The following ATE1 variants were observed in gnomAD, a reference collection of about 807,000 sequenced individuals.
ATE1 encodes the protein arginyltransferase 1.
ATE1 carries 36 observed loss-of-function variants against 70.5 expected under a neutral mutation model. The observed-to-expected ratio is 0.51, with a 90% confidence interval of 0.39 to 0.67. The LOEUF is 0.67. ATE1 is among the 30% of genes least tolerant of loss of function. The pLI is 0.00. For missense variants in ATE1, 593 were observed against 629.5 expected, an observed-to-expected ratio of 0.94 and a Z score of 0.62; for synonymous variants, 232 against 219.3, an observed-to-expected ratio of 1.06 and a Z score of -0.51.
chr10:121,921,041 T>C (rs1209316448), intron 3 of ATE1, among the ~76,000 whole-genome samples: 10 of 151,876 alleles, frequency 6.6e-5, no homozygotes, highest in Admixed American at 2.0e-4. Context: ...AGTGGCAGAT[T>C]AAATTTAAGC....
At chr10:121,786,587 T>C (rs1018457520) in intron 11 of ATE1, among the ~76,000 whole-genome samples, 1 of 151,830 alleles carries the variant, frequency 6.6e-6, no homozygotes, top group African/African-American at 2.4e-5. Flanking sequence ...GAGGATCGTT[T>C]GAGCCCTGGA....
chr10:121,887,366 A>G (rs182513989), intron 7 of ATE1, among the ~76,000 whole-genome samples: 1 of 152,330 alleles, frequency 6.6e-6, no homozygotes, highest in African/African-American at 2.4e-5. Context: ...TCAGAAGTAG[A>G]TATCGCCTCC....
intron 7 of ATE1, among the ~76,000 whole-genome samples, chr10:121,898,367 C>A (rs1950856002): frequency 6.6e-6 from 1 of 152,146 alleles, no homozygotes; most frequent in African/African-American, 2.4e-5. Flanking sequence ...TGCTTAACTG[C>A]AGATTATAAG....
At chr10:121,770,749 A>C (rs1357478131) in intron 11 of ATE1, among the ~76,000 whole-genome samples, 3 of 151,944 alleles carry the variant, frequency 2.0e-5, no homozygotes, top group East Asian at 1.9e-4. Flanking sequence ...AAAAAAAAAA[A>C]AACTCTTATT....
chr10:121,853,961 A>G (rs1003048122), intron 8 of ATE1, among the ~76,000 whole-genome samples: 1 of 152,218 alleles, frequency 6.6e-6, no homozygotes, highest in Non-Finnish European at 1.5e-5. Context: ...TATTCAGGGC[A>G]GAGCATGTAT....
At chr10:121,881,504 T>C (rs763987839) in intron 7 of ATE1, among the ~76,000 whole-genome samples, 1 of 152,082 alleles carries the variant, frequency 6.6e-6, no homozygotes, top group Non-Finnish European at 1.5e-5. Flanking sequence ...CGTATTTTAA[T>C]AGAAACTAGG....
At chr10:121,858,734 A>G (rs957538133) in intron 8 of ATE1, among the ~76,000 whole-genome samples, 4 of 148,796 alleles carry the variant, frequency 2.7e-5, no homozygotes, top group African/African-American at 9.9e-5. Context: ...GAATGGCTAC[A>G]TCTTTGGGGT....
At chr10:121,745,435 G>A (rs929166367) in intron 11 of ATE1, among the ~76,000 whole-genome samples, 20 of 152,338 alleles carry the variant, frequency 1.3e-4, no homozygotes, top group Non-Finnish European at 2.6e-4. Context: ...AAGAACCACA[G>A]GCGGGGTGCA....
At chr10:121,758,380 T>C (rs923445303) in intron 11 of ATE1, among the ~76,000 whole-genome samples, 2 of 152,226 alleles carry the variant, frequency 1.3e-5, no homozygotes, top group Admixed American at 1.3e-4. Context: ...AAGAATGAAT[T>C]TGGCATTGGG....
intron 3 of ATE1, among the ~76,000 whole-genome samples, chr10:121,915,064 G>T (rs1413015855): frequency 6.6e-6 from 1 of 152,124 alleles, no homozygotes; most frequent in Non-Finnish European, 1.5e-5. Flanking sequence ...AGACACTCGA[G>T]AAGAGCCTCC....
intron 7 of ATE1, among the ~76,000 whole-genome samples, chr10:121,893,017 G>A (rs12259902): frequency 0.13 from 20,057 of 152,026 alleles, 1,522 homozygotes; most frequent in East Asian, 0.19. Context: ...GGTGGCTTAC[G>A]CTTGTAATCC....
chr10:121,877,176 T>C (rs889445454), intron 7 of ATE1, among the ~76,000 whole-genome samples: 4 of 152,142 alleles, frequency 2.6e-5, no homozygotes, highest in African/African-American at 4.8e-5. Context: ...TCATTTGCCA[T>C]AGGACGCTAA....
chr10:121,893,313 T>C (rs1451825100), intron 7 of ATE1, among the ~76,000 whole-genome samples: 1 of 150,428 alleles, frequency 6.6e-6, no homozygotes, highest in South Asian at 2.1e-4. Context: ...AAAAACGTTA[T>C]GTAGATAATT....
At chr10:121,839,953 T>C (rs1404206449) in intron 9 of ATE1, among the ~76,000 whole-genome samples, 1 of 152,134 alleles carries the variant, frequency 6.6e-6, no homozygotes, top group Non-Finnish European at 1.5e-5. Flanking sequence ...CCATCAGACA[T>C]GAAGACTGAG....
At chr10:121,922,631 C>T (rs549768956) in intron 2 of ATE1, among the ~76,000 whole-genome samples, 21 of 152,242 alleles carry the variant, frequency 1.4e-4, no homozygotes, top group African/African-American at 3.1e-4. Context: ...GTGTACCCCA[C>T]GGCCAATCAT....
At chr10:121,916,166 G>A (rs1324163179) in intron 3 of ATE1, among the ~76,000 whole-genome samples, 2 of 151,848 alleles carry the variant, frequency 1.3e-5, no homozygotes, top group Non-Finnish European at 2.9e-5. Flanking sequence ...GGCGGAGCTT[G>A]CAGTGAGCAG....
intron 5 of ATE1, among the ~76,000 whole-genome samples, chr10:121,906,779 A>G (rs936890696): frequency 2.6e-5 from 4 of 151,828 alleles, no homozygotes; most frequent in African/African-American, 9.7e-5. Flanking sequence ...TTGTATTTTT[A>G]ATGGAGATGG....
chr10:121,858,948 A>T (rs1949362694), intron 8 of ATE1, among the ~76,000 whole-genome samples: 1 of 151,830 alleles, frequency 6.6e-6, no homozygotes, highest in Non-Finnish European at 1.5e-5. Context: ...ATACAAAATT[A>T]GCCAGGCGTG....
At chr10:121,908,476 C>A (rs528277043) in intron 5 of ATE1, among the ~76,000 whole-genome samples, 1 of 152,046 alleles carries the variant, frequency 6.6e-6, no homozygotes, top group Admixed American at 6.6e-5. Flanking sequence ...AGCACTCCAG[C>A]GTAGGCGACA....
Sources: allele counts gnomAD v4.1 joint callset (sites outside exome capture counted in the v4.1 genomes callset), GRCh38; gene constraint gnomAD v4.1.1; transcripts MANE v1.5; gene names NCBI Gene and HGNC (gene_info 2026-07-23, HGNC 2026-07-21).